NUP98: variants seen among roughly 807,000 people sequenced by gnomAD.
The protein encoded by NUP98 is nuclear pore complex protein Nup98-Nup96.
Under a neutral mutation model 191.9 loss-of-function variants are expected in NUP98, and 26 were observed. The observed-to-expected ratio is 0.14, with a 90% confidence interval of 0.10 to 0.19. The LOEUF is 0.19. Ranked by LOEUF, NUP98 falls within the 10% of genes least tolerant of loss-of-function variation. The pLI, the probability that NUP98 is intolerant of heterozygous loss-of-function variation, is 1.00. For synonymous variants in NUP98, 808 were observed against 778.4 expected, an observed-to-expected ratio of 1.04 and a Z score of -0.63; for missense variants, 1,941 against 2,178.8, an observed-to-expected ratio of 0.89 and a Z score of 2.17.
intron 11 of NUP98, among the ~76,000 whole-genome samples, chr11:3,746,547 C>T (rs1263498956): frequency 1.3e-5 from 2 of 151,710 alleles, no homozygotes; most frequent in African/African-American, 2.4e-5. Flanking sequence ...TTTACAGCAT[C>T]CCTGGACGAT....
Position 3,744,521 on chromosome 11 carries a change from G to C in NUP98, c.1396C>G (p.Gln466Glu). ...GACTGACACTTACCTACTGGGGCCT[G>C]GGGGGCTCCAAAGCCCAAAGTGGCT... ...TTATLGFGAPQAPVALTDPNA... is the reference protein window; with the variant it reads ...TTATLGFGAPEAPVALTDPNA... The change falls in exon 12 of 33, where the codon CAG (glutamine) becomes GAG (glutamate). Residue 466 changes from glutamine (Q) to glutamate (E), a missense_variant. This residue lies in a region of NUP98 where 453 missense variants were observed against 438.2 expected (regional missense o/e 1.03). Transcript: ENST00000324932. 2 of 1,611,676 alleles carry C rather than the reference G, an allele frequency of 1.2e-6. No homozygotes were observed. The highest frequency in any genetic ancestry group is 3.3e-4 in the Middle Eastern group (2 of 6,032).
intron 1 of NUP98, among the ~76,000 whole-genome samples, chr11:3,791,533 C>CAAA (rs71041395): frequency 0.037 from 2,481 of 67,108 alleles, 65 homozygotes; most frequent in Non-Finnish European, 0.051. Flanking sequence ...GACCTCGTCT[C>CAAA]AAAAAAAAAA....
chr11:3,746,100 T>C (rs567830250), intron 11 of NUP98, among the ~76,000 whole-genome samples: 1 of 151,590 alleles, frequency 6.6e-6, no homozygotes, highest in South Asian at 2.1e-4. Context: ...AGAAACCCTG[T>C]CTCTACTAAA....
chr11:3,743,121 C>T (rs2080347450), intron 12 of NUP98, among the ~76,000 whole-genome samples: 2 of 151,954 alleles, frequency 1.3e-5, no homozygotes, highest in Non-Finnish European at 1.5e-5. Context: ...CGGGTCCAAG[C>T]GATTCTCCTG....
At chr11:3,693,113 G>T in intron 27 of NUP98, 119 bp downstream of exon 27, 1 of 957,496 alleles carries the variant, frequency 1.0e-6, no homozygotes, top group Non-Finnish European at 1.6e-6. Context: ...TGGGGAAGTA[G>T]CCTTGTCCAG....
At chr11:3,726,172 C>T (rs566979931) in intron 14 of NUP98, among the ~76,000 whole-genome samples, 2 of 151,834 alleles carry the variant, frequency 1.3e-5, no homozygotes, top group Admixed American at 6.6e-5. Flanking sequence ...CTATTGCTAT[C>T]GCCTTTTACT....
intron 24 of NUP98, among the ~76,000 whole-genome samples, chr11:3,700,402 A>G (rs2078641199): frequency 6.6e-6 from 1 of 152,186 alleles, no homozygotes; most frequent in African/African-American, 2.4e-5. Context: ...AAGAATTTGT[A>G]CATTAATGGG....
At chr11:3,779,105 T>C (rs1159442891) in intron 3 of NUP98, 51 bp downstream of exon 3, 7 of 1,613,142 alleles carry the variant, frequency 4.3e-6, no homozygotes, top group Non-Finnish European at 5.9e-6. Context: ...ACTAAGTCAA[T>C]TCCTATACTA....
Position 3,683,452 on chromosome 11 carries a change from A to C in NUP98, c.4677-11T>G, listed in dbSNP as rs2078036719. The C allele has an allele frequency of 1.2e-6, 2 of 1,613,622 alleles. No individual in the cohort carries two copies. The highest frequency in any genetic ancestry group is 1.7e-6 in the Non-Finnish European group (2 of 1,179,804). On this transcript the variant is annotated splice_polypyrimidine_tract_variant and intron_variant, in intron 29 of 32. Coordinates refer to ENST00000324932, the MANE Select transcript of NUP98 (RefSeq NM_016320.5). The stretch of plus-strand genomic sequence containing the variant: ...GCCTTCTCACGTATGCTACAGGGAG[A>C]GATAAGCTAGAATAAATCCCATCCT...
intron 30 of NUP98, among the ~76,000 whole-genome samples, chr11:3,682,158 G>C (rs1426956092): frequency 6.6e-6 from 1 of 152,182 alleles, no homozygotes; most frequent in Non-Finnish European, 1.5e-5. Flanking sequence ...GGGAGGTTAG[G>C]CTTTTGCTTA....
intron 20 of NUP98, among the ~76,000 whole-genome samples, chr11:3,708,323 A>G (rs1031431774): frequency 2.0e-5 from 3 of 152,118 alleles, no homozygotes; most frequent in African/African-American, 7.2e-5. Flanking sequence ...AGTGGTTCCA[A>G]TTTACTATAC....
Position 3,768,587 on chromosome 11 carries a change from G to A in NUP98, c.942C>T (p.Asn314=). Residue 314 remains asparagine (N), a synonymous_variant, in exon 8 of 33, where the codon AAC becomes AAT. Transcript: ENST00000324932. ...TAAGGGTCTGTTTCCTTACCATGGT[G>A]TTGGTGCTTGGCTGTCCTATGGTGC... ...NTSTIGQPST[N]TMGLFGVTQA... 1 of 1,582,748 alleles carries A rather than the reference G, an allele frequency of 6.3e-7. No individual in the cohort carries two copies. The highest frequency in any genetic ancestry group is 2.2e-5 in the East Asian group (1 of 44,638).
intron 1 of NUP98, among the ~76,000 whole-genome samples, chr11:3,792,873 C>T (rs563763593): frequency 7.2e-5 from 11 of 152,116 alleles, no homozygotes; most frequent in Non-Finnish European, 1.5e-4. Flanking sequence ...AATCCCAGCA[C>T]TTTGGGAGGC....
chr11:3,702,314 CTCTCTCT>C, intron 23 of NUP98, 142 bp downstream of exon 23: 1 of 72,658 alleles, frequency 1.4e-5, no homozygotes, highest in Non-Finnish European at 2.3e-5. Flanking sequence ...CACACACACA[CTCTCTCT>C]CTCTCTCTCT....
At chr11:3,709,407 T>A (rs1264211640) in intron 20 of NUP98, among the ~76,000 whole-genome samples, 1 of 151,972 alleles carries the variant, frequency 6.6e-6, no homozygotes, top group Non-Finnish European at 1.5e-5. Context: ...TTTAAAAAAG[T>A]TTAAAACTTA....
chr11:3,750,763 T>G (rs1317771353), intron 11 of NUP98, among the ~76,000 whole-genome samples: 1 of 151,644 alleles, frequency 6.6e-6, no homozygotes, highest in African/African-American at 2.4e-5. Flanking sequence ...TTCAGCTGCT[T>G]GAGTAGCTAG....
chr11:3,707,181 C>T (rs553757897), intron 20 of NUP98, among the ~76,000 whole-genome samples: 3 of 152,060 alleles, frequency 2.0e-5, no homozygotes, highest in African/African-American at 7.2e-5. Context: ...ACGTAAGATA[C>T]GAGCACTATC....
At chr11:3,758,443 A>T (rs1219347834) in intron 10 of NUP98, among the ~76,000 whole-genome samples, 1 of 152,192 alleles carries the variant, frequency 6.6e-6, no homozygotes. Context: ...AAAGGTTGAG[A>T]AACGCTAACT....
At chr11:3,734,600 G>T (rs1392073477) in intron 13 of NUP98, among the ~76,000 whole-genome samples, 1 of 152,102 alleles carries the variant, frequency 6.6e-6, no homozygotes, top group Non-Finnish European at 1.5e-5. Flanking sequence ...ACAGACCAAA[G>T]ACTACACTTT....
Sources: gnomAD v4.1 joint callset for allele counts (sites outside exome capture counted in the v4.1 genomes callset) on GRCh38, gnomAD v4.1.1 for gene constraint, gnomAD v4.1.1 regional missense constraint, MANE v1.5 for transcripts, NCBI Gene and HGNC (gene_info 2026-07-23, HGNC 2026-07-21) for gene names.